Variants in TFDP2 observed in about 807,000 individuals in gnomAD.
TFDP2 encodes transcription factor Dp-2.
A neutral mutation model predicts 59.3 loss-of-function variants in TFDP2; 17 were observed. The ratio of observed to expected loss-of-function variants is 0.29; its 90% CI spans 0.20 to 0.43. The LOEUF (loss-of-function observed/expected upper bound fraction) is 0.43, where lower values mean the gene tolerates loss of function less well. Ranked by LOEUF, TFDP2 falls within the 20% of genes least tolerant of loss-of-function variation. The probability of loss-of-function intolerance (pLI) is 1.00; values close to 1 mark genes in which losing one functional copy is unlikely to be tolerated. For synonymous variants in TFDP2, 180 were observed against 194.7 expected, an observed-to-expected ratio of 0.92 and a Z score of 0.63; for missense variants, 391 against 528.8, an observed-to-expected ratio of 0.74 and a Z score of 2.56.
chr3:142,134,336 G>A (rs1432210530), intron 1 of TFDP2, among the ~76,000 whole-genome samples: 6 of 143,022 alleles, frequency 4.2e-5, no homozygotes, highest in African/African-American at 8.1e-5. Flanking sequence ...GCAACAGAGC[G>A]AGACCCCATC....
At chr3:142,023,992 G>A (rs1576754274) in intron 3 of TFDP2, among the ~76,000 whole-genome samples, 1 of 151,884 alleles carries the variant, frequency 6.6e-6, no homozygotes, top group Admixed American at 6.6e-5. Flanking sequence ...GTAGAGACAG[G>A]ATTTTGCCAT....
intron 3 of TFDP2, among the ~76,000 whole-genome samples, chr3:142,042,867 G>C (rs1173386301): frequency 6.7e-6 from 1 of 148,510 alleles, no homozygotes; most frequent in East Asian, 2.0e-4. Context: ...AGCCTCCCAA[G>C]TGGCTCGGAT....
intron 3 of TFDP2, among the ~76,000 whole-genome samples, chr3:142,019,434 G>A (rs969627078): frequency 6.6e-6 from 1 of 152,144 alleles, no homozygotes; most frequent in Non-Finnish European, 1.5e-5. Context: ...ACTTAAAAAG[G>A]CCTGTGTGTG....
At chr3:142,110,620 T>C (rs930730611) in intron 1 of TFDP2, among the ~76,000 whole-genome samples, 3 of 152,176 alleles carry the variant, frequency 2.0e-5, no homozygotes, top group Admixed American at 1.3e-4. Context: ...TAAATACTTA[T>C]TGATAGCCAG....
At chr3:141,955,731 G>A (rs1465183318) in intron 11 of TFDP2, among the ~76,000 whole-genome samples, 3 of 152,146 alleles carry the variant, frequency 2.0e-5, no homozygotes, top group Non-Finnish European at 4.4e-5. Context: ...CCTTTAAAAA[G>A]CGATGTGAAA....
chr3:141,958,521 G>A (rs1229217881), intron 11 of TFDP2, among the ~76,000 whole-genome samples: 1 of 152,092 alleles, frequency 6.6e-6, no homozygotes, highest in Non-Finnish European at 1.5e-5. Context: ...AAATGTAAGA[G>A]AATGGTTATA....
intron 1 of TFDP2, among the ~76,000 whole-genome samples, chr3:142,110,769 T>C (rs573747343): frequency 4.6e-5 from 7 of 151,716 alleles, no homozygotes; most frequent in Admixed American, 3.3e-4. Context: ...GTGGGCAAAA[T>C]AGTATGATCC....
At chr3:142,132,499 ACT>A (rs1226294320) in intron 1 of TFDP2, among the ~76,000 whole-genome samples, 4 of 149,648 alleles carry the variant, frequency 2.7e-5, no homozygotes, top group African/African-American at 1.0e-4. Context: ...GCACTTTGAG[ACT>A]CTGAGAGGCT....
At chr3:141,970,464 C>T (rs1330306452) in intron 8 of TFDP2, among the ~76,000 whole-genome samples, 2 of 152,224 alleles carry the variant, frequency 1.3e-5, no homozygotes, top group African/African-American at 2.4e-5. Flanking sequence ...TATCTGCCAA[C>T]ACAAAAGTAA....
chr3:141,970,831 G>A (rs1045685869), intron 8 of TFDP2, among the ~76,000 whole-genome samples: 9 of 152,124 alleles, frequency 5.9e-5, no homozygotes, highest in African/African-American at 2.2e-4. Flanking sequence ...GGAGGCCGAG[G>A]GGGGAGAATC....
chr3:142,048,202 C>T (rs1002846248), intron 3 of TFDP2, among the ~76,000 whole-genome samples: 6 of 151,906 alleles, frequency 3.9e-5, no homozygotes, highest in Non-Finnish European at 7.4e-5. Flanking sequence ...ATTTCTTGAG[C>T]CCAGGAGTTC....
intron 9 of TFDP2, among the ~76,000 whole-genome samples, chr3:141,966,182 TA>T (rs1267758231): frequency 2.0e-4 from 31 of 152,064 alleles, no homozygotes; most frequent in Non-Finnish European, 4.3e-4. Flanking sequence ...TATTTATTAT[TA>T]TTTTTTTGAG....
At chr3:142,139,945 A>G (rs2062877504) in intron 1 of TFDP2, among the ~76,000 whole-genome samples, 1 of 152,176 alleles carries the variant, frequency 6.6e-6, no homozygotes, top group Non-Finnish European at 1.5e-5. Flanking sequence ...CTCCTGGATA[A>G]TACCCTGAAG....
At chr3:142,105,832 T>C (rs1036551828) in intron 1 of TFDP2, among the ~76,000 whole-genome samples, 1 of 152,124 alleles carries the variant, frequency 6.6e-6, no homozygotes, top group Admixed American at 6.6e-5. Context: ...CTTAAGCAAA[T>C]TTACCTTAAC....
chr3:142,066,009 A>G (rs957718972), intron 3 of TFDP2, among the ~76,000 whole-genome samples: 36 of 152,178 alleles, frequency 2.4e-4, no homozygotes, highest in African/African-American at 8.4e-4. Flanking sequence ...ACACTGAAGT[A>G]ATTTCTAATA....
intron 3 of TFDP2, among the ~76,000 whole-genome samples, chr3:142,044,399 A>C (rs865866180): frequency 3.3e-5 from 5 of 151,832 alleles, no homozygotes; most frequent in South Asian, 4.2e-4. Context: ...CCACGCCCAG[A>C]TAATTTCTGT....
intron 3 of TFDP2, among the ~76,000 whole-genome samples, chr3:142,018,464 A>AT (rs999613612): frequency 6.6e-6 from 1 of 151,364 alleles, no homozygotes; most frequent in Non-Finnish European, 1.5e-5. Flanking sequence ...ACTGTTTTTT[A>AT]TTTTTTTATT....
intron 1 of TFDP2, among the ~76,000 whole-genome samples, chr3:142,102,783 AG>A (rs754813570): frequency 2.4e-4 from 36 of 152,342 alleles, no homozygotes; most frequent in Non-Finnish European, 3.8e-4. Context: ...ATGAATTCTG[AG>A]GTACGTTTGC....
rs1316231197 is a variant in TFDP2, at chr3:141,948,385, T to C, written c.*4128A>G. 2 of 151,852 alleles carry C rather than the reference T, an allele frequency of 1.3e-5. No individual in the cohort carries two copies. The highest frequency in any genetic ancestry group is 2.9e-5 in the Non-Finnish European group (2 of 67,994). 9.4% of individuals were successfully genotyped at this position (151,852 alleles called of 1,614,324 possible). ...GGTGAAACCCTGACTCTACTAAAAA[T>C]ACAAAAAATTAGTCGGGTGTGGCGG... On this transcript the variant is annotated 3_prime_UTR_variant, in exon 13 of 13. Transcript: ENST00000489671.
Sources: gnomAD v4.1 joint callset for allele counts (sites outside exome capture counted in the v4.1 genomes callset) on GRCh38, gnomAD v4.1.1 for gene constraint, MANE v1.5 for transcripts, NCBI Gene and HGNC (gene_info 2026-07-23, HGNC 2026-07-21) for gene names.